The following RBFOX3 variants were observed in gnomAD, a reference collection of about 807,000 sequenced individuals.
RBFOX3 encodes RNA binding protein fox-1 homolog 3.
Under a neutral mutation model 48.7 loss-of-function variants are expected in RBFOX3, and 17 were observed. The ratio of observed to expected loss-of-function variants is 0.35; its 90% CI spans 0.24 to 0.52. RBFOX3 has a LOEUF of 0.52. Ranked by LOEUF, RBFOX3 falls within the 20% of genes least tolerant of loss-of-function variation. The pLI is 0.94. For missense variants in RBFOX3, 382 were observed against 497.5 expected (o/e 0.77, Z 2.21); for synonymous variants, 212 against 209.5 (o/e 1.01, Z -0.10).
chr17:79,116,393 T>C (rs2033960743), intron 4 of RBFOX3, among the ~76,000 whole-genome samples: 1 of 151,636 alleles, frequency 6.6e-6, no homozygotes, highest in Non-Finnish European at 1.5e-5. Context: ...CACGTGCCTA[T>C]AATCCCAGCT....
At chr17:79,664,191 T>C in the RBFOX3 span, among the ~76,000 whole-genome samples, 1 of 151,998 alleles carries the variant, frequency 6.6e-6, no homozygotes, top group Non-Finnish European at 1.5e-5. Context: ...TTTTTTTTTT[T>C]TGAGATGGAG....
At chr17:79,401,434 C>A (rs2062791007) in intron 2 of RBFOX3, among the ~76,000 whole-genome samples, 1 of 152,218 alleles carries the variant, frequency 6.6e-6, no homozygotes, top group Admixed American at 6.5e-5. Flanking sequence ...GTACAGTCAA[C>A]CAATCAGCCA....
chr17:79,575,573 T>A (rs2092831147), intron 1 of RBFOX3, among the ~76,000 whole-genome samples: 1 of 152,184 alleles, frequency 6.6e-6, no homozygotes, highest in African/African-American at 2.4e-5. Flanking sequence ...GAGAAACCGG[T>A]TGGAGGGAAG....
chr17:79,283,533 T>TTCACG lies in RBFOX3; in HGVS notation c.-74+24190_-74+24191insCGTGA, dbSNP rs1279017347. On this transcript the variant is annotated intron_variant, in intron 3 of 14. Coordinates refer to ENST00000693108, the MANE Select transcript of RBFOX3 (RefSeq NM_001350451.2). Reference sequence around the variant, plus strand: ...ATCTGCCCGCCTCGGCCTCCCAAAGTGCTGGGATTACAGGCGTGAGCTATC... The same window carrying TTCACG: ...ATCTGCCCGCCTCGGCCTCCCAAAGTTCACGGCTGGGATTACAGGCGTGAGCTATC... 7.0e-3 allele frequency among the ~76,000 whole-genome samples: 1,059 copies of TTCACG among 152,288 alleles called. 7 individuals are homozygous for TTCACG. Among genetic ancestry groups the TTCACG allele is most frequent in the African/African-American group, 0.024 (990 of 41,552 alleles).
intron 3 of RBFOX3, among the ~76,000 whole-genome samples, chr17:79,285,913 C>T (rs1406967542): frequency 1.3e-5 from 2 of 152,134 alleles, no homozygotes; most frequent in African/African-American, 2.4e-5. Flanking sequence ...GAACTCCTGA[C>T]CTCAGATGAT....
Position 79,610,841 on chromosome 17 carries a change from C to G in RBFOX3, c.-335G>C, listed in dbSNP as rs1343114485. 6.6e-6 allele frequency among the ~76,000 whole-genome samples: 1 copy of G among 151,862 alleles called. No individual in the cohort carries two copies. The highest frequency in any genetic ancestry group is 2.4e-5 in the African/African-American group (1 of 41,412). On this transcript the variant is annotated 5_prime_UTR_variant, in exon 1 of 15. Transcript: ENST00000693108. ...GGCTACTCACGGGCTCAGCGCTCCC[C>G]GCGGCAGGTGACTGGGGGCCGGCGG... is the stretch of plus-strand genomic sequence containing the variant.
chr17:79,330,629 CCT>C (rs2080128400), intron 2 of RBFOX3, among the ~76,000 whole-genome samples: 1 of 152,134 alleles, frequency 6.6e-6, no homozygotes, highest in East Asian at 1.9e-4. Flanking sequence ...CTCCCACACC[CCT>C]GACTCTCACC....
At chr17:79,432,494 A>G (rs1302967100) in intron 2 of RBFOX3, among the ~76,000 whole-genome samples, 1 of 152,226 alleles carries the variant, frequency 6.6e-6, no homozygotes, top group Non-Finnish European at 1.5e-5. Flanking sequence ...ACACGTGTTC[A>G]CTTCCCAAGG....
chr17:79,291,598 T>C (rs1314074160), intron 3 of RBFOX3, among the ~76,000 whole-genome samples: 1 of 152,210 alleles, frequency 6.6e-6, no homozygotes, highest in Non-Finnish European at 1.5e-5. Flanking sequence ...CAGTCCCTTA[T>C]TGCATCAGTA....
rs971110907 is a variant in RBFOX3 at position 79,243,512 on chromosome 17, G to C, written c.-73-7707C>G. 6.6e-6 allele frequency among the ~76,000 whole-genome samples: 1 copy of C among 152,112 alleles called. No individual in the cohort carries two copies. Among genetic ancestry groups the C allele is most frequent in the African/African-American group, 2.4e-5 (1 of 41,418 alleles). On this transcript the variant is annotated intron_variant, in intron 3 of 14. Transcript: ENST00000693108. The surrounding 1 kb of genome is among the most constrained non-coding windows in gnomAD (Gnocchi z 7.9). ...GGGTGTCATTTGGGACTGTGGAGTC[G>C]ACCACAGTCAATTGCTTGGGTGATA...
At chr17:79,492,845 G>A (rs1463259810) in intron 1 of RBFOX3, among the ~76,000 whole-genome samples, 1 of 152,348 alleles carries the variant, frequency 6.6e-6, no homozygotes, top group South Asian at 2.1e-4. Context: ...AGGTCACACT[G>A]GGACACGCCA....
In RBFOX3 at chr17:79,532,828, C is replaced by CGTGTGTGT. The variant is rs3075254; in HGVS notation, c.-319-50238_-319-50231dup. On this transcript the variant is annotated intron_variant, in intron 1 of 14. Coordinates refer to ENST00000693108, the MANE Select transcript of RBFOX3 (RefSeq NM_001350451.2). ...TCTTTCATCAGGTGACTATTGAACA[C>CGTGTGTGT]GTGTGTGTGTGTGCACGCATGCACG... 2.5e-3 allele frequency among the ~76,000 whole-genome samples: 386 copies of CGTGTGTGT among 151,956 alleles called. 3 individuals are homozygous for CGTGTGTGT. The South Asian group carries it at 0.026, about 10-fold the overall frequency.
chr17:79,322,557 A>T lies in RBFOX3; in HGVS notation c.-174-14733T>A, dbSNP rs115946978. ...GGAGAAGCTCGCTTTCACAGGGAAG[A>T]TGGAACATGTGTCACGCAGCATCCA... On this transcript the variant is annotated intron_variant, in intron 2 of 14. Coordinates refer to ENST00000693108, the MANE Select transcript of RBFOX3 (RefSeq NM_001350451.2). 8.4e-3 allele frequency among the ~76,000 whole-genome samples: 1,280 copies of T among 152,296 alleles called. 17 individuals are homozygous for T. The highest frequency in any genetic ancestry group is 0.028 in the African/African-American group (1,176 of 41,554).
At chr17:79,098,487 A>G (rs2075817521) in intron 9 of RBFOX3, 1 of 152,386 alleles carries the variant, frequency 6.6e-6, no homozygotes, top group South Asian at 2.1e-4. Flanking sequence ...GCAGATGAAG[A>G]AACAGCCCTG....
the RBFOX3 span, among the ~76,000 whole-genome samples, chr17:79,639,742 T>C: frequency 6.6e-6 from 1 of 152,198 alleles, no homozygotes; most frequent in Non-Finnish European, 1.5e-5. Flanking sequence ...AAAATCTATA[T>C]AATCATCTAA....
chr17:79,130,265 C>T (rs528734306), intron 4 of RBFOX3, among the ~76,000 whole-genome samples: 6 of 152,298 alleles, frequency 3.9e-5, no homozygotes, highest in East Asian at 3.9e-4. Context: ...GACTTCTCCA[C>T]GAAGACTTCC....
intron 3 of RBFOX3, among the ~76,000 whole-genome samples, chr17:79,279,174 G>A (rs957424267): frequency 4.6e-5 from 7 of 152,110 alleles, no homozygotes; most frequent in East Asian, 3.9e-4. Context: ...AGGTGGGCAC[G>A]GGAGGTGTTC....
chr17:79,206,778 C>G (rs953350436), intron 4 of RBFOX3, among the ~76,000 whole-genome samples: 3 of 152,148 alleles, frequency 2.0e-5, no homozygotes, highest in African/African-American at 7.2e-5. Context: ...GTGGATGCAA[C>G]CTTCCCTCTT....
At chr17:79,295,791 C>T (rs2074243803) in intron 3 of RBFOX3, among the ~76,000 whole-genome samples, 1 of 152,158 alleles carries the variant, frequency 6.6e-6, no homozygotes, top group African/African-American at 2.4e-5. Context: ...AGTACCTTCC[C>T]TTCCCTGGCT....
Sources: allele counts gnomAD v4.1 joint callset (sites outside exome capture counted in the v4.1 genomes callset), GRCh38; gene constraint gnomAD v4.1.1; non-coding constraint Gnocchi (gnomAD v3.1); transcripts MANE v1.5; gene names NCBI Gene and HGNC (gene_info 2026-07-23, HGNC 2026-07-21).